The following SLCO3A1 variants were observed in gnomAD, a reference collection of about 807,000 sequenced individuals.
The protein encoded by SLCO3A1 is solute carrier organic anion transporter family member 3A1, also known as PGE1 transporter.
SLCO3A1 carries 27 observed loss-of-function variants against 63.1 expected under a neutral mutation model. The observed-to-expected ratio is 0.43, with a 90% CI of 0.32 to 0.59. SLCO3A1 has a LOEUF of 0.59. Ranked by LOEUF, SLCO3A1 falls within the 20% of genes least tolerant of loss-of-function variation. The probability of loss-of-function intolerance (pLI) is 0.09; values close to 1 mark genes in which losing one functional copy is unlikely to be tolerated. For synonymous variants in SLCO3A1, 473 were observed against 409.9 expected (o/e 1.15, Z -1.86); for missense variants, 773 against 945.8 (o/e 0.82, Z 2.40).
chr15:92,083,963 C>G (rs1288034800), intron 2 of SLCO3A1, among the ~76,000 whole-genome samples: 1 of 152,148 alleles, frequency 6.6e-6, no homozygotes, highest in African/African-American at 2.4e-5. Flanking sequence ...ACTGCAGACC[C>G]TGGCCATGCA....
intron 7 of SLCO3A1, among the ~76,000 whole-genome samples, chr15:92,144,840 C>A (rs569648926): frequency 1.3e-5 from 2 of 152,262 alleles, no homozygotes; most frequent in East Asian, 3.9e-4. Context: ...TGATGCCTCA[C>A]CCGTGCTCAT....
intron 1 of SLCO3A1, among the ~76,000 whole-genome samples, chr15:91,914,188 G>T (rs1295690416): frequency 6.6e-6 from 1 of 152,208 alleles, no homozygotes; most frequent in Admixed American, 6.5e-5. Context: ...GTCAAGGTCA[G>T]CCAGAGTCAG....
At chr15:92,003,707 C>T (rs1273580395) in intron 2 of SLCO3A1, among the ~76,000 whole-genome samples, 1 of 152,148 alleles carries the variant, frequency 6.6e-6, no homozygotes, top group Non-Finnish European at 1.5e-5. Context: ...GTGAGTGATA[C>T]AGTAGGTATA....
At chr15:91,899,339 AGACAGTACCTGGTTAGTT>A (rs1284652269) in intron 1 of SLCO3A1, among the ~76,000 whole-genome samples, 1 of 152,184 alleles carries the variant, frequency 6.6e-6, no homozygotes, top group African/African-American at 2.4e-5. Context: ...TTGGTAAACT[AGACAGTACCTGGTTAGTT>A]CACCAACTGT....
At position 91,854,384 on chromosome 15, in the gene SLCO3A1, C is replaced by G. The variant is rs1228350975; in HGVS notation, c.180+296C>G. Reference sequence around the variant, plus strand: ...GGCAGGTGGGCGTGAAACTATTCCTCTCCCCCCATAAGAGCGGAGCGAGAC... The same window carrying G: ...GGCAGGTGGGCGTGAAACTATTCCTGTCCCCCCATAAGAGCGGAGCGAGAC... On this transcript the variant is annotated intron_variant, in intron 1 of 9. Transcript: ENST00000318445. The surrounding 1 kb of genome is among the most constrained non-coding windows in gnomAD (Gnocchi z 6.4). 9.4e-7 allele frequency: 1 copy of G among 1,067,500 alleles called. No homozygotes were observed. Among genetic ancestry groups the G allele is most frequent in the African/African-American group, 1.8e-5 (1 of 55,056 alleles). The allele number at this position is 1,067,500 out of a possible 1,614,324, so 66.1% of individuals were successfully genotyped here. A position where few individuals can be genotyped will look rare whatever the true frequency, so the allele number is the denominator to read the frequency against.
At chr15:92,127,311 A>G (rs1278522952) in intron 6 of SLCO3A1, among the ~76,000 whole-genome samples, 2 of 152,222 alleles carry the variant, frequency 1.3e-5, no homozygotes, top group African/African-American at 4.8e-5. Context: ...TAGGAGCACA[A>G]GGTCTTACTA....
At chr15:92,152,890 A>G (rs755940077) in intron 9 of SLCO3A1, among the ~76,000 whole-genome samples, 1 of 152,202 alleles carries the variant, frequency 6.6e-6, no homozygotes, top group South Asian at 2.1e-4. Context: ...TGGAGTTGCT[A>G]TGGAGATCTC....
chr15:92,099,757 G>A (rs1398605291), intron 3 of SLCO3A1, among the ~76,000 whole-genome samples: 1 of 152,108 alleles, frequency 6.6e-6, no homozygotes, highest in East Asian at 1.9e-4. Flanking sequence ...AGAGTGGAAG[G>A]GTTAGAAAAA....
Position 91,916,577 on chromosome 15 carries a change from A to G in SLCO3A1, c.646+119A>G, listed in dbSNP as rs539658015. The G allele has an allele frequency of 7.2e-5, 53 of 733,868 alleles. 1 individual carries two copies. Among genetic ancestry groups the G allele is most frequent in the African/African-American group, 2.7e-4 (15 of 55,384 alleles). The allele number at this position is 733,868 out of a possible 1,614,324, so 45.5% of individuals were successfully genotyped here. A position where few individuals can be genotyped will look rare whatever the true frequency, so the allele number is the denominator to read the frequency against. On this transcript the variant is annotated intron_variant, in intron 2 of 9. Coordinates refer to ENST00000318445, the MANE Select transcript of SLCO3A1 (RefSeq NM_013272.4). This position sits in a 1 kb window ranked among gnomAD's most constrained non-coding sequence, Gnocchi z 6.2. ...GGTTCTCAGACTTGGCTGCACACCT[A>G]GTGTTCTTGAAAAATACTCATGCCT... is the stretch of plus-strand genomic sequence containing the variant.
At chr15:91,981,305 C>G (rs999224381) in intron 2 of SLCO3A1, among the ~76,000 whole-genome samples, 2 of 152,210 alleles carry the variant, frequency 1.3e-5, no homozygotes, top group Admixed American at 1.3e-4. Flanking sequence ...ACTTCTTGCT[C>G]AGAAAGCTCC....
At chr15:92,076,228 C>G (rs143610903) in intron 2 of SLCO3A1, among the ~76,000 whole-genome samples, 3 of 152,120 alleles carry the variant, frequency 2.0e-5, no homozygotes, top group African/African-American at 7.2e-5. Flanking sequence ...GTAGGGGCCC[C>G]GCTGGAGGTG....
At chr15:92,039,600 A>G (rs1373443061) in intron 2 of SLCO3A1, among the ~76,000 whole-genome samples, 3 of 152,160 alleles carry the variant, frequency 2.0e-5, no homozygotes, top group African/African-American at 7.2e-5. Context: ...AAATAGTAAC[A>G]CTTTTACACT....
intron 7 of SLCO3A1, among the ~76,000 whole-genome samples, chr15:92,132,948 A>G (rs967777421): frequency 6.9e-6 from 1 of 145,976 alleles, no homozygotes; most frequent in Admixed American, 6.8e-5. Flanking sequence ...AGTAAGATCC[A>G]TGCATCAGTA....
At chr15:91,984,273 G>A (rs1053848436) in intron 2 of SLCO3A1, among the ~76,000 whole-genome samples, 66 of 152,274 alleles carry the variant, frequency 4.3e-4, no homozygotes, top group African/African-American at 1.6e-3. Flanking sequence ...AAGGTTTGAA[G>A]GGAGATAAAG....
At chr15:92,120,828 G>C (rs2047854674) in intron 5 of SLCO3A1, among the ~76,000 whole-genome samples, 199 bp downstream of exon 5, 1 of 152,118 alleles carries the variant, frequency 6.6e-6, no homozygotes, top group Admixed American at 6.5e-5. Flanking sequence ...GTTGCTAAAA[G>C]CACATGATAA....
At chr15:92,153,282 A>G (rs922477964) in intron 9 of SLCO3A1, among the ~76,000 whole-genome samples, 2 of 152,180 alleles carry the variant, frequency 1.3e-5, no homozygotes, top group African/African-American at 4.8e-5. Flanking sequence ...TCACTGTAAT[A>G]GGTATGACAC....
At position 91,935,165 on chromosome 15, in the gene SLCO3A1, G is replaced by A. The variant is rs548369280; in HGVS notation, c.646+18707G>A. On this transcript the variant is annotated intron_variant, in intron 2 of 9. Transcript: ENST00000318445. ...GACAGGGTTTCACCATGTTGGCCAG[G>A]ATGGTCTCGATCTCTTGACTTCGTG... Among the ~76,000 whole-genome samples, 5 of 152,186 alleles carry A rather than the reference G, an allele frequency of 3.3e-5. No individual in the cohort carries two copies. In the South Asian group the frequency reaches 1.0e-3, roughly 32 times the overall value.
At position 91,954,381 on chromosome 15, in the gene SLCO3A1, C is replaced by T. The variant is rs774766421; in HGVS notation, c.646+37923C>T. Among the ~76,000 whole-genome samples the T allele has an allele frequency of 3.3e-5, 5 of 152,192 alleles. No individual in the cohort carries two copies. Among genetic ancestry groups the T allele is most frequent in the Non-Finnish European group, 7.3e-5 (5 of 68,036 alleles). On this transcript the variant is annotated intron_variant, in intron 2 of 9. Coordinates refer to ENST00000318445, the MANE Select transcript of SLCO3A1 (RefSeq NM_013272.4). This position sits in a 1 kb window ranked among gnomAD's most constrained non-coding sequence, Gnocchi z 4.7. ...GGCACTGTGCTGAGCCTCAGCCAGG[C>T]GGAGACGGGCGGGTACTGCACAGAG...
intron 1 of SLCO3A1, among the ~76,000 whole-genome samples, chr15:91,876,794 G>T (rs1688866838): frequency 6.6e-6 from 1 of 152,224 alleles, no homozygotes; most frequent in Non-Finnish European, 1.5e-5. Context: ...CCAGCAGGGA[G>T]CCCTGGTGCG....
Sources: allele counts gnomAD v4.1 joint callset (sites outside exome capture counted in the v4.1 genomes callset), GRCh38; gene constraint gnomAD v4.1.1; non-coding constraint Gnocchi (gnomAD v3.1); transcripts MANE v1.5; gene names NCBI Gene and HGNC (gene_info 2026-07-23, HGNC 2026-07-21).